ATP2C1: variants seen among roughly 807,000 people sequenced by gnomAD.
ATP2C1 encodes calcium-transporting ATPase type 2C member 1.
Under a neutral mutation model 120.5 loss-of-function variants are expected in ATP2C1, and 31 were observed. The observed-to-expected ratio is 0.26, with a 90% CI of 0.19 to 0.35. The LOEUF is 0.35. ATP2C1 is among the 10% of genes least tolerant of loss of function. ATP2C1 has a pLI of 1.00. For synonymous variants in ATP2C1, 351 were observed against 358.7 expected (o/e 0.98, Z 0.24); for missense variants, 731 against 1,107.5 (o/e 0.66, Z 4.83).
chr3:130,974,209 T>C (rs1157438555), intron 17 of ATP2C1, among the ~76,000 whole-genome samples: 3 of 152,226 alleles, frequency 2.0e-5, no homozygotes, highest in Non-Finnish European at 4.4e-5. Context: ...TTATTAACTT[T>C]ATAAAAGACA....
intron 1 of ATP2C1, among the ~76,000 whole-genome samples, chr3:130,862,530 T>C (rs184291381): frequency 6.6e-6 from 1 of 152,180 alleles, no homozygotes; most frequent in East Asian, 1.9e-4. Flanking sequence ...ATTCAGATAC[T>C]CCCCTGACAT....
intron 1 of ATP2C1, among the ~76,000 whole-genome samples, chr3:130,861,129 C>T (rs1228236289): frequency 6.6e-6 from 1 of 152,064 alleles, no homozygotes; most frequent in Non-Finnish European, 1.5e-5. Flanking sequence ...ATTAGCCAGG[C>T]TTGGTGGCAT....
chr3:130,945,183 G>T (rs2060091368), intron 8 of ATP2C1, among the ~76,000 whole-genome samples: 1 of 151,824 alleles, frequency 6.6e-6, no homozygotes, highest in African/African-American at 2.4e-5. Flanking sequence ...CTTTGGGCAT[G>T]TTATTTGTTT....
intron 2 of ATP2C1, among the ~76,000 whole-genome samples, chr3:130,906,812 G>A (rs916808817): frequency 6.6e-6 from 1 of 151,510 alleles, no homozygotes. Context: ...GAATGAAGGT[G>A]GACTCTTATC....
intron 3 of ATP2C1, among the ~76,000 whole-genome samples, chr3:130,931,406 G>A (rs998142695): frequency 1.3e-5 from 2 of 152,040 alleles, no homozygotes; most frequent in Non-Finnish European, 2.9e-5. Context: ...AATTTAGGAA[G>A]CACAAAATTT....
upstream of ATP2C1, chr3:130,894,071 C>T (rs1049140055): frequency 1.0e-5 from 10 of 983,066 alleles, no homozygotes; most frequent in Non-Finnish European, 2.4e-6. This position sits in a 1 kb window ranked among gnomAD's most constrained non-coding sequence, Gnocchi z 4.5. Flanking sequence ...GCGCAGGAGT[C>T]GGAGGCGGGA....
At chr3:130,873,819 A>T (rs1204573274) in intron 1 of ATP2C1, among the ~76,000 whole-genome samples, 1 of 152,114 alleles carries the variant, frequency 6.6e-6, no homozygotes, top group African/African-American at 2.4e-5. Context: ...TTAGTTAAAG[A>T]AAAAAAATCT....
intron 2 of ATP2C1, among the ~76,000 whole-genome samples, chr3:130,896,103 G>A (rs1043418665): frequency 6.6e-6 from 1 of 152,138 alleles, no homozygotes; most frequent in Admixed American, 6.5e-5. Context: ...TCATATACTT[G>A]TTTCTTGGTA....
At chr3:130,898,550 G>T (rs1399603412) in intron 2 of ATP2C1, among the ~76,000 whole-genome samples, 1 of 152,160 alleles carries the variant, frequency 6.6e-6, no homozygotes, top group Admixed American at 6.5e-5. Flanking sequence ...CTCTGAAAAA[G>T]AGTTGAAACT....
chr3:130,918,238 G>A, intron 2 of ATP2C1: 1 of 1,488,204 alleles, frequency 6.7e-7, no homozygotes, highest in Non-Finnish European at 9.4e-7. Context: ...ATGAACAAGA[G>A]CCCTCTCCTT....
chr3:130,962,383 G>A (rs1161687551), intron 12 of ATP2C1, among the ~76,000 whole-genome samples: 5 of 151,950 alleles, frequency 3.3e-5, no homozygotes, highest in African/African-American at 1.2e-4. Context: ...ATGCAAGAAA[G>A]AAGAACTAGA....
intron 6 of ATP2C1, 74 bp from the exon 7 acceptor site, chr3:130,940,556 A>G (rs911734748): frequency 2.0e-6 from 2 of 976,846 alleles, no homozygotes; most frequent in Non-Finnish European, 1.6e-6. Context: ...TAAAATAATG[A>G]TTGAGATTAA....
intron 20 of ATP2C1, among the ~76,000 whole-genome samples, chr3:130,982,057 TG>T (rs752930596): frequency 4.8e-4 from 73 of 152,304 alleles, no homozygotes; most frequent in Non-Finnish European, 9.0e-4. Flanking sequence ...TCTTCTTTTA[TG>T]GACTATGCTT....
intron 1 of ATP2C1, among the ~76,000 whole-genome samples, chr3:130,888,298 G>A (rs2107853236): frequency 6.6e-6 from 1 of 152,256 alleles, no homozygotes; most frequent in South Asian, 2.1e-4. Context: ...GGGAAGGATG[G>A]CACAAGCACT....
At chr3:130,954,574 C>T (rs923192083) in intron 9 of ATP2C1, among the ~76,000 whole-genome samples, 2 of 152,200 alleles carry the variant, frequency 1.3e-5, no homozygotes, top group Admixed American at 1.3e-4. Flanking sequence ...CAACCTTCAC[C>T]TTCCAGGTTC....
rs1430259628 is a variant in ATP2C1, at chr3:130,894,341, G to A, written c.-181+4G>A. 4.0e-6 allele frequency: 4 copies of A among 1,003,834 alleles called. No homozygotes were observed. The highest frequency in any genetic ancestry group is 1.7e-5 in the African/African-American group (1 of 57,634). 62.2% of individuals were successfully genotyped at this position (1,003,834 alleles called of 1,614,324 possible). The stretch of plus-strand genomic sequence containing the variant: ...GGAGGGCTGTCCGGGGCTTTGGGTG[G>A]GTACCAGTATTACCTCCTGCCCCCA... On this transcript the variant is annotated splice_donor_region_variant and intron_variant, in intron 1 of 27. Coordinates refer to ENST00000510168, the MANE Select transcript of ATP2C1 (RefSeq NM_001378687.1). The surrounding 1 kb of genome is among the most constrained non-coding windows in gnomAD (Gnocchi z 4.5).
At chr3:130,931,177 C>T (rs918517576) in intron 3 of ATP2C1, among the ~76,000 whole-genome samples, 3 of 151,974 alleles carry the variant, frequency 2.0e-5, no homozygotes, top group African/African-American at 7.2e-5. Context: ...TGCTTTAAAA[C>T]CACTTATTTG....
At chr3:130,976,798 G>C (rs1245367358) in intron 18 of ATP2C1, among the ~76,000 whole-genome samples, 1 of 152,020 alleles carries the variant, frequency 6.6e-6, no homozygotes, top group Admixed American at 6.6e-5. Flanking sequence ...GGTTTACCTG[G>C]GCCAGACCTA....
intron 3 of ATP2C1, 42 bp from the exon 4 acceptor site, chr3:130,931,980 G>C: frequency 7.8e-7 from 1 of 1,282,754 alleles, no homozygotes; most frequent in Non-Finnish European, 1.1e-6. Context: ...TTTCTTTTCT[G>C]TGCTAACATT....
Sources: gnomAD v4.1 joint callset for allele counts (sites outside exome capture counted in the v4.1 genomes callset) on GRCh38, gnomAD v4.1.1 for gene constraint, Gnocchi (gnomAD v3.1) non-coding constraint, MANE v1.5 for transcripts, NCBI Gene and HGNC (gene_info 2026-07-23, HGNC 2026-07-21) for gene names.